The following UTP20 variants were observed in gnomAD, a reference collection of about 807,000 sequenced individuals.
UTP20 encodes the protein small subunit processome component 20 homolog.
A neutral mutation model predicts 329.5 loss-of-function variants in UTP20; 164 were observed. The ratio of observed to expected loss-of-function variants is 0.50; its 90% CI spans 0.44 to 0.57. UTP20 has a LOEUF of 0.57. Ranked by LOEUF, UTP20 falls within the 20% of genes least tolerant of loss-of-function variation. The probability of loss-of-function intolerance (pLI) is 0.00; values close to 1 mark genes in which losing one functional copy is unlikely to be tolerated. For synonymous variants in UTP20, 1,151 were observed against 1,159.3 expected, an observed-to-expected ratio of 0.99 and a Z score of 0.14; for missense variants, 3,055 against 3,284.2, an observed-to-expected ratio of 0.93 and a Z score of 1.71.
chr12:101,383,317 C>T lies in UTP20; in HGVS notation c.7929+4C>T, dbSNP rs747964944. On this transcript the variant is annotated splice_donor_region_variant and intron_variant, in intron 59 of 61. Coordinates refer to ENST00000261637, the MANE Select transcript of UTP20 (RefSeq NM_014503.3). ...TTCGCCGAGAAACCCCTTAAAGGTG[C>T]GATGAATGCACAGAATGACTGACAG... 4.3e-6 allele frequency: 7 copies of T among 1,610,270 alleles called. No homozygotes were observed. The highest frequency in any genetic ancestry group is 4.0e-5 in the African/African-American group (3 of 74,664).
At chr12:101,290,676 A>G (rs1178919378) in intron 7 of UTP20, 57 bp from the exon 8 acceptor site, 1 of 1,528,606 alleles carries the variant, frequency 6.5e-7, no homozygotes, top group Non-Finnish European at 8.8e-7. Context: ...TGACTCCCAG[A>G]GCAATACTTG....
chr12:101,332,181 T>C (rs1402505764), intron 27 of UTP20, among the ~76,000 whole-genome samples: 1 of 151,718 alleles, frequency 6.6e-6, no homozygotes, highest in Non-Finnish European at 1.5e-5. Flanking sequence ...CTACTGAAAA[T>C]ACAAAATGAA....
In UTP20 at chr12:101,373,485, G is replaced by C; in HGVS notation, c.6948+15G>C. 2 of 1,614,142 alleles carry C rather than the reference G, an allele frequency of 1.2e-6. No individual in the cohort carries two copies. The highest frequency in any genetic ancestry group is 1.7e-6 in the Non-Finnish European group (2 of 1,180,018). On this transcript the variant is annotated intron_variant, in intron 53 of 61. Transcript: ENST00000261637. ...CGTTCCCTCAGGTACTGTGACCCCA[G>C]AGATAAGCCCCGTGACTCCTGGAAG...
Position 101,312,382 on chromosome 12 carries a change from T to G in UTP20, c.2552+106T>G, listed in dbSNP as rs1321159390. 16 of 1,438,086 alleles carry G rather than the reference T, an allele frequency of 1.1e-5. No homozygotes were observed. The Middle Eastern group carries it at 7.0e-4, about 63-fold the overall frequency. The allele number at this position is 1,438,086 out of a possible 1,614,324, so 89.1% of individuals were successfully genotyped here. On this transcript the variant is annotated intron_variant, in intron 21 of 61. Coordinates refer to ENST00000261637, the MANE Select transcript of UTP20 (RefSeq NM_014503.3). Reference sequence around the variant, plus strand: ...TGAGTTCTTTGTTTTTTGCCTTCTTTCTTTCTGCTTCCAATCATCCATTAG... The same window carrying G: ...TGAGTTCTTTGTTTTTTGCCTTCTTGCTTTCTGCTTCCAATCATCCATTAG...
At chr12:101,332,676 A>T (rs904587808) in intron 27 of UTP20, among the ~76,000 whole-genome samples, 1 of 152,168 alleles carries the variant, frequency 6.6e-6, no homozygotes, top group South Asian at 2.1e-4. Context: ...TTTTTCTTTG[A>T]ACTATGTATG....
At chr12:101,340,466 T>C in intron 31 of UTP20, 57 bp from the exon 32 acceptor site, 4 of 1,117,410 alleles carry the variant, frequency 3.6e-6, no homozygotes, top group Non-Finnish European at 5.2e-6. Flanking sequence ...AAAGTTTAAC[T>C]TCTTAGAGAA....
At position 101,299,836 on chromosome 12, in the gene UTP20, A is replaced by G; in HGVS notation, c.1585A>G (p.Arg529Gly). Reference protein sequence around the residue: ...WAALVVLPHIRPLEKEKVIPL... With the variant: ...WAALVVLPHIGPLEKEKVIPL... ...AGCCCTCGTGGTGTTACCTCATATTAGGTAAGAAAATAAGCTATGTTTAAT... is the reference window on the plus strand; with the variant it reads ...AGCCCTCGTGGTGTTACCTCATATTGGGTAAGAAAATAAGCTATGTTTAAT... The change falls in exon 13 of 62, where the codon AGA (arginine) becomes GGA (glycine). Residue 529 changes from arginine to glycine, a missense_variant and splice_region_variant. This residue lies in a region of UTP20 where 2,445 missense variants were observed against 2,575.5 expected (regional missense o/e 0.95). Coordinates refer to ENST00000261637, the MANE Select transcript of UTP20 (RefSeq NM_014503.3). The G allele has an allele frequency of 1.2e-6, 2 of 1,603,080 alleles. No individual in the cohort carries two copies. Among genetic ancestry groups the G allele is most frequent in the Non-Finnish European group, 1.7e-6 (2 of 1,176,636 alleles).
At chr12:101,358,700 ATT>A (rs1205707167) in intron 43 of UTP20, among the ~76,000 whole-genome samples, 1 of 152,106 alleles carries the variant, frequency 6.6e-6, no homozygotes, top group African/African-American at 2.4e-5. Context: ...CTTTAAAAAT[ATT>A]GTTCTATTTC....
intron 38 of UTP20, among the ~76,000 whole-genome samples, chr12:101,347,943 C>T (rs773313775): frequency 3.3e-5 from 5 of 152,174 alleles, no homozygotes; most frequent in Admixed American, 6.5e-5. Flanking sequence ...ATTCTCCTGC[C>T]TCAGCCTCCT....
At position 101,383,646 on chromosome 12, in the gene UTP20, T is replaced by C. The variant is rs1394760783; in HGVS notation, c.8033T>C (p.Leu2678Pro). The C allele has an allele frequency of 3.7e-6, 6 of 1,613,514 alleles. 1 individual carries two copies. The South Asian group carries it at 6.6e-5, about 18-fold the overall frequency. ...ATCATAGCTCCTTTGTTTCGGGAAC[T>C]CAACAGCACCTATTCAGAGCAAGGT... is the stretch of plus-strand genomic sequence containing the variant. Reference protein sequence around the residue: ...PMIIAPLFRELNSTYSEQDPL... With the variant: ...PMIIAPLFREPNSTYSEQDPL... Residue 2678 changes from leucine to proline, a missense_variant, in exon 60 of 62, where the codon CTC becomes CCC. This residue lies in a region of UTP20 where 337 missense variants were observed against 345.5 expected (regional missense o/e 0.98). Transcript: ENST00000261637.
intron 14 of UTP20, among the ~76,000 whole-genome samples, chr12:101,300,444 C>T (rs542426758): frequency 2.0e-5 from 3 of 152,156 alleles, no homozygotes; most frequent in South Asian, 2.1e-4. Context: ...ACTTTTACAA[C>T]TGTATGGCTG....
At position 101,379,561 on chromosome 12, in the gene UTP20, A is replaced by C; in HGVS notation, c.7584+3A>C. The C allele has an allele frequency of 2.5e-6, 4 of 1,607,670 alleles. No individual in the cohort carries two copies. The highest frequency in any genetic ancestry group is 3.4e-6 in the Non-Finnish European group (4 of 1,176,030). ...TAGCCAGTGACCTTGACCAAAAGGT[A>C]AGCTTTCTCTCAAACCTTTTCCTTC... is the stretch of plus-strand genomic sequence containing the variant. On this transcript the variant is annotated splice_donor_region_variant and intron_variant, in intron 57 of 61. Coordinates refer to ENST00000261637, the MANE Select transcript of UTP20 (RefSeq NM_014503.3).
chr12:101,351,901 TC>T (rs1363696512), intron 38 of UTP20, among the ~76,000 whole-genome samples, 153 bp from the exon 39 acceptor site: 1 of 152,232 alleles, frequency 6.6e-6, no homozygotes. Context: ...TAGCATGTTT[TC>T]CTGGGGTTAG....
chr12:101,356,510 A>G, intron 41 of UTP20, 44 bp from the exon 42 acceptor site: 1 of 1,531,076 alleles, frequency 6.5e-7, no homozygotes, highest in Non-Finnish European at 8.9e-7. Context: ...TAGATCACTG[A>G]TCCATTTATT....
Position 101,352,099 on chromosome 12 carries a change from T to C in UTP20, c.4929T>C (p.Ile1643=). The C allele has an allele frequency of 1.2e-6, 2 of 1,614,038 alleles. No homozygotes were observed. ...CTGCCACAGAGATTATTGGAGCCAT[T>C]TGCAAACATCTCTCTTGGTCAGCGT... ...TTAATEIIGA[I]CKHLSWSAYM... Residue 1643 remains isoleucine, a synonymous_variant, in exon 39 of 62, where the codon ATT becomes ATC. Coordinates refer to ENST00000261637, the MANE Select transcript of UTP20 (RefSeq NM_014503.3).
At chr12:101,280,351 G>A in intron 1 of UTP20, 24 bp downstream of exon 1, 1 of 1,551,660 alleles carries the variant, frequency 6.4e-7, no homozygotes, top group Non-Finnish European at 8.7e-7. Context: ...CTTAGGCAGG[G>A]AGCCGCGGGT....
rs1044115280 is a variant in UTP20 at position 101,311,931 on chromosome 12, C to T, written c.2312-105C>T. On this transcript the variant is annotated intron_variant, in intron 20 of 61. Transcript: ENST00000261637. The stretch of plus-strand genomic sequence containing the variant: ...TTATCATGATAACTTTTGGGAGTGA[C>T]ATTCTTTCCTTACATTATAGAGAAA... The T allele has an allele frequency of 7.7e-6, 12 of 1,562,910 alleles. No homozygotes were observed. The African/African-American group carries it at 1.4e-4, about 18-fold the overall frequency.
chr12:101,335,160 CATA>C (rs760122231), intron 29 of UTP20, among the ~76,000 whole-genome samples: 29 of 152,188 alleles, frequency 1.9e-4, no homozygotes, highest in Admixed American at 4.6e-4. Context: ...GGAGACTTTT[CATA>C]ATACATCCTT....
chr12:101,363,731 T>G lies in UTP20; in HGVS notation c.5946T>G (p.Leu1982=), dbSNP rs780319382. ...VGKDQVTKLI[L]PLKEILQNTT... ...AAGATCAGGTTACAAAACTCATCCT[T>G]CCATTAAAAGAGGTAAGGACGTAAA... is the stretch of plus-strand genomic sequence containing the variant. Residue 1982 remains leucine (L), a synonymous_variant, in exon 45 of 62, where the codon CTT becomes CTG. Transcript: ENST00000261637. The G allele has an allele frequency of 6.2e-7, 1 of 1,603,964 alleles. No individual in the cohort carries two copies. The highest frequency in any genetic ancestry group is 8.5e-7 in the Non-Finnish European group (1 of 1,170,898).
Sources: gnomAD v4.1 joint callset for allele counts (sites outside exome capture counted in the v4.1 genomes callset) on GRCh38, gnomAD v4.1.1 for gene constraint, gnomAD v4.1.1 regional missense constraint, MANE v1.5 for transcripts, NCBI Gene and HGNC (gene_info 2026-07-23, HGNC 2026-07-21) for gene names.